Variants in NCOA1 observed in about 807,000 individuals in gnomAD.
NCOA1 encodes the protein Hin-2 protein.
A neutral mutation model predicts 150.9 loss-of-function variants in NCOA1; 35 were observed. That is an observed-to-expected ratio of 0.23 (90% confidence interval 0.18 to 0.31). NCOA1 has a LOEUF of 0.31. NCOA1 is among the 10% of genes least tolerant of loss of function. NCOA1 has a pLI of 1.00. For synonymous variants in NCOA1, 590 were observed against 630.0 expected, an observed-to-expected ratio of 0.94 and a Z score of 0.95; for missense variants, 1,491 against 1,749.3, an observed-to-expected ratio of 0.85 and a Z score of 2.63.
chr2:24,757,353 T>G (rs1664553788), intron 20 of NCOA1, among the ~76,000 whole-genome samples: 5 of 152,304 alleles, frequency 3.3e-5, no homozygotes, highest in Admixed American at 3.3e-4. Flanking sequence ...GAAAACAATC[T>G]GAACTGCACC....
At chr2:24,681,370 C>T (rs976320619) in intron 7 of NCOA1, among the ~76,000 whole-genome samples, 1 of 152,102 alleles carries the variant, frequency 6.6e-6, no homozygotes, top group South Asian at 2.1e-4. Context: ...GGCCAAAGCC[C>T]ACTGAGAATC....
chr2:24,662,905 A>G, intron 5 of NCOA1, among the ~76,000 whole-genome samples: 1 of 151,656 alleles, frequency 6.6e-6, no homozygotes, highest in Non-Finnish European at 1.5e-5. Flanking sequence ...CTCCCCACTC[A>G]GCCTCCTGAG....
intron 21 of NCOA1, among the ~76,000 whole-genome samples, 170 bp downstream of exon 21, chr2:24,758,326 C>CTTT (rs772274757): frequency 3.8e-4 from 46 of 121,204 alleles, no homozygotes; most frequent in Admixed American, 5.2e-4. Context: ...TTTTGACAGA[C>CTTT]TTTTTTTTTT....
At chr2:24,537,455 G>C (rs915566312) in intron 1 of NCOA1, among the ~76,000 whole-genome samples, 4 of 151,430 alleles carry the variant, frequency 2.6e-5, no homozygotes, top group Non-Finnish European at 4.4e-5. Flanking sequence ...TAATATATTT[G>C]TGTGTGTATA....
At position 24,523,924 on chromosome 2, in the gene NCOA1, CAAAAAAAAAAAAAAAAAA is replaced by C. The variant is rs70947825; in HGVS notation, c.-396+32334_-396+32351del. ...CTGGCAACAGAGTGGGACTCTGTCT[CAAAAAAAAAAAAAAAAAA>C]AAAAAAAAAAAGAAACTGGGCTTTT... On this transcript the variant is annotated intron_variant, in intron 1 of 22. Coordinates refer to ENST00000348332, the MANE Select transcript of NCOA1 (RefSeq NM_003743.5). 6.2e-3 allele frequency among the ~76,000 whole-genome samples: 305 copies of C among 49,556 alleles called. 2 individuals carry two copies. The highest frequency in any genetic ancestry group is 0.029 in the African/African-American group (297 of 10,392). 32.5% of individuals were successfully genotyped at this position (49,556 alleles called of 152,430 possible).
chr2:24,503,735 T>TG (rs1276799261), intron 1 of NCOA1, among the ~76,000 whole-genome samples: 1 of 87,380 alleles, frequency 1.1e-5, no homozygotes, highest in Non-Finnish European at 1.9e-5. Context: ...TTGTCTCTGT[T>TG]TTTTTTTTTT....
At chr2:24,511,727 A>G (rs1170165144) in intron 1 of NCOA1, among the ~76,000 whole-genome samples, 2 of 152,082 alleles carry the variant, frequency 1.3e-5, no homozygotes, top group South Asian at 2.1e-4. Context: ...TCTAATTTTG[A>G]TAAGTCCAAT....
chr2:24,728,123 A>C (rs982802104), intron 15 of NCOA1, among the ~76,000 whole-genome samples, 185 bp from the exon 16 acceptor site: 2 of 152,262 alleles, frequency 1.3e-5, no homozygotes, highest in Non-Finnish European at 2.9e-5. Context: ...ACTATATTCA[A>C]GCTACATACC....
At chr2:24,657,461 T>C (rs917248116) in intron 4 of NCOA1, among the ~76,000 whole-genome samples, 2 of 152,212 alleles carry the variant, frequency 1.3e-5, no homozygotes, top group Non-Finnish European at 1.5e-5. Context: ...ATTATGATCC[T>C]AAGAGTTGGA....
intron 1 of NCOA1, among the ~76,000 whole-genome samples, chr2:24,532,687 C>T (rs987883694): frequency 1.3e-5 from 2 of 152,176 alleles, no homozygotes; most frequent in Admixed American, 6.5e-5. Context: ...CCAGCTTTCC[C>T]AGCACCATTT....
chr2:24,626,381 C>A (rs1010532535), intron 3 of NCOA1, among the ~76,000 whole-genome samples: 1 of 152,102 alleles, frequency 6.6e-6, no homozygotes, highest in African/African-American at 2.4e-5. Flanking sequence ...ACTTGGATTG[C>A]TAACAGTATG....
chr2:24,517,387 G>A (rs887963345), intron 1 of NCOA1, among the ~76,000 whole-genome samples: 14 of 151,940 alleles, frequency 9.2e-5, no homozygotes, highest in Non-Finnish European at 1.8e-4. Flanking sequence ...CTCTGAGCAA[G>A]TGCATTTCAT....
intron 7 of NCOA1, among the ~76,000 whole-genome samples, chr2:24,679,972 G>T (rs952053012): frequency 3.9e-5 from 6 of 152,166 alleles, no homozygotes; most frequent in African/African-American, 1.4e-4. Flanking sequence ...TATATTCTTT[G>T]TGATGGAGTG....
intron 7 of NCOA1, among the ~76,000 whole-genome samples, chr2:24,678,243 A>G (rs781177217): frequency 2.6e-5 from 4 of 152,228 alleles, no homozygotes; most frequent in Non-Finnish European, 4.4e-5. Flanking sequence ...GCTACATAGT[A>G]TTCCATGGTG....
intron 1 of NCOA1, among the ~76,000 whole-genome samples, chr2:24,519,482 A>G (rs1225485809): frequency 6.6e-6 from 1 of 152,034 alleles, no homozygotes; most frequent in Non-Finnish European, 1.5e-5. Flanking sequence ...ATTGAGTTGT[A>G]CAAGTTTTTG....
intron 1 of NCOA1, among the ~76,000 whole-genome samples, chr2:24,531,637 T>G (rs1015926167): frequency 6.6e-6 from 1 of 152,130 alleles, no homozygotes; most frequent in Non-Finnish European, 1.5e-5. Context: ...CCCCGGTGTG[T>G]GATGTGTCCT....
intron 3 of NCOA1, among the ~76,000 whole-genome samples, chr2:24,618,779 A>C (rs534870870): frequency 6.6e-6 from 1 of 152,280 alleles, no homozygotes; most frequent in East Asian, 1.9e-4. Flanking sequence ...GTAAGAACAA[A>C]TAGGCAAATA....
At chr2:24,719,452 AT>A (rs34230143) in intron 14 of NCOA1, among the ~76,000 whole-genome samples, 25,095 of 152,200 alleles carry the variant, frequency 0.16, 2,514 homozygotes, top group Non-Finnish European at 0.23. Flanking sequence ...TATGTAAATT[AT>A]ACATCAATGA....
At position 24,706,677 on chromosome 2, in the gene NCOA1, T is replaced by C. The variant is rs772353836; in HGVS notation, c.1207T>C (p.Ser403Pro). ...SISPAHGVAR[S>P]STLPPSNSNM... The stretch of plus-strand genomic sequence containing the variant: ...CTCTCCAGCTCATGGTGTGGCTCGT[T>C]CATCCACATTGCCACCATCCAACAG... The change falls in exon 13 of 23, where the codon TCA becomes CCA. Residue 403 changes from serine (S) to proline (P), a missense_variant. By Grantham distance (74) the Ser-to-Pro change is moderately conservative. Around this residue, in one of 8 missense-constraint regions of NCOA1, gnomAD observed 703 missense variants for 717.7 expected, o/e 0.98. Transcript: ENST00000348332. 1.2e-6 allele frequency: 2 copies of C among 1,614,158 alleles called. No homozygotes were observed. Among genetic ancestry groups the C allele is most frequent in the Non-Finnish European group, 8.5e-7 (1 of 1,180,020 alleles).
Sources: allele counts gnomAD v4.1 joint callset (sites outside exome capture counted in the v4.1 genomes callset), GRCh38; gene constraint gnomAD v4.1.1; regional missense constraint gnomAD v4.1.1; transcripts MANE v1.5; gene names NCBI Gene and HGNC (gene_info 2026-07-23, HGNC 2026-07-21).